Variants in MTFR1 observed in about 807,000 individuals in gnomAD.
The protein encoded by MTFR1 is chondrocyte protein with a poly-proline region.
In MTFR1, 28 loss-of-function variants were observed where a neutral mutation model predicts 38.8. The observed-to-expected ratio is 0.72, with a 90% CI of 0.53 to 0.99. The LOEUF (loss-of-function observed/expected upper bound fraction) is 0.99. Ranked by LOEUF, MTFR1 falls within the 50% of genes least tolerant of loss-of-function variation. MTFR1 has a pLI of 0.00. For synonymous variants in MTFR1, 145 were observed against 137.0 expected (o/e 1.06, Z -0.41); for missense variants, 358 against 395.5 (o/e 0.91, Z 0.81).
chr8:65,746,690 A>C (rs1477319800), intron 3 of MTFR1, among the ~76,000 whole-genome samples: 1 of 152,224 alleles, frequency 6.6e-6, no homozygotes, highest in Admixed American at 6.5e-5. Flanking sequence ...ACTAGTAGAA[A>C]TCATTAATTA....
chr8:65,649,909 G>A (rs1189717076), intron 1 of MTFR1, among the ~76,000 whole-genome samples: 1 of 151,836 alleles, frequency 6.6e-6, no homozygotes, highest in Non-Finnish European at 1.5e-5. Flanking sequence ...CGTGATCTCG[G>A]CTCACTGCCA....
At chr8:65,658,623 T>TAC (rs776185773) in intron 1 of MTFR1, among the ~76,000 whole-genome samples, 9 of 152,110 alleles carry the variant, frequency 5.9e-5, no homozygotes, top group Admixed American at 2.0e-4. Context: ...CATGCACATA[T>TAC]ACACACACAC....
intron 3 of MTFR1, among the ~76,000 whole-genome samples, chr8:65,729,421 TAGC>T (rs1004088645): frequency 5.3e-5 from 7 of 132,092 alleles, no homozygotes; most frequent in Admixed American, 1.8e-4. Context: ...ATAGTAGAAA[TAGC>T]AGAAAGAAGG....
At chr8:65,655,368 T>C (rs1291731004) in intron 1 of MTFR1, among the ~76,000 whole-genome samples, 1 of 152,190 alleles carries the variant, frequency 6.6e-6, no homozygotes, top group African/African-American at 2.4e-5. Flanking sequence ...CTAGTTTTTG[T>C]TTTTGTTGAG....
At chr8:65,694,367 G>A (rs1010036401) in intron 4 of MTFR1, among the ~76,000 whole-genome samples, 6 of 151,942 alleles carry the variant, frequency 3.9e-5, no homozygotes, top group Admixed American at 2.0e-4. Flanking sequence ...GAGCCACCAC[G>A]CCCAGCCTAT....
intron 1 of MTFR1, among the ~76,000 whole-genome samples, chr8:65,659,840 G>A (rs1239176878): frequency 6.6e-6 from 1 of 152,134 alleles, no homozygotes; most frequent in Admixed American, 6.6e-5. Context: ...AATATTTCCT[G>A]AGCTTTCTGT....
intron 3 of MTFR1, among the ~76,000 whole-genome samples, chr8:65,720,246 TAAAC>T (rs1287534265): frequency 2.0e-5 from 3 of 152,232 alleles, no homozygotes; most frequent in East Asian, 1.9e-4. Context: ...AGTAGTATCT[TAAAC>T]AAGGTCAAAA....
intron 3 of MTFR1, among the ~76,000 whole-genome samples, chr8:65,757,807 T>C (rs932312757): frequency 1.3e-5 from 2 of 152,048 alleles, no homozygotes; most frequent in African/African-American, 4.8e-5. Flanking sequence ...TTAGTAGAGA[T>C]GGGGTTTCAC....
chr8:65,718,628 G>A (rs1407667086), intron 2 of MTFR1: 3 of 152,432 alleles, frequency 2.0e-5, no homozygotes, highest in Non-Finnish European at 2.9e-5. Flanking sequence ...GGTACTCTAC[G>A]ATAAATGCTC....
chr8:65,659,242 C>G (rs1377596304), intron 1 of MTFR1, among the ~76,000 whole-genome samples: 1 of 151,670 alleles, frequency 6.6e-6, no homozygotes, highest in Non-Finnish European at 1.5e-5. Flanking sequence ...CTATTTTGAT[C>G]TTTTTTTGGT....
chr8:65,686,782 G>C (rs1262160454), intron 3 of MTFR1, among the ~76,000 whole-genome samples: 6 of 151,954 alleles, frequency 3.9e-5, no homozygotes, highest in Non-Finnish European at 8.8e-5. Context: ...AATTAGCCGG[G>C]CGTGGTGGCA....
rs1554552344 is a variant in MTFR1, at chr8:65,710,467, A to ATAT, written c.*1425_*1427dup. 6.6e-6 allele frequency: 1 copy of ATAT among 152,646 alleles called. No homozygotes were observed. The highest frequency in any genetic ancestry group is 1.5e-5 in the Non-Finnish European group (1 of 68,036). 9.5% of individuals were successfully genotyped at this position (152,646 alleles called of 1,614,324 possible). Reference sequence around the variant, plus strand: ...AAACGTATTTTGACCTAAAAGAAACATATTTTTGTATCAGTATTGAATTTT... The same window carrying ATAT: ...AAACGTATTTTGACCTAAAAGAAACATATTATTTTTGTATCAGTATTGAATTTT... On this transcript the variant is annotated 3_prime_UTR_variant, in exon 8 of 8. Coordinates refer to ENST00000262146, the MANE Select transcript of MTFR1 (RefSeq NM_014637.4).
intron 3 of MTFR1, among the ~76,000 whole-genome samples, chr8:65,721,530 A>G (rs1299899745): frequency 6.6e-6 from 1 of 152,190 alleles, no homozygotes; most frequent in Non-Finnish European, 1.5e-5. Context: ...GAGTCAGCAG[A>G]TGTCAACAAT....
At chr8:65,724,203 T>G (rs1806513454) in intron 3 of MTFR1, 1 of 1,166,444 alleles carries the variant, frequency 8.6e-7, no homozygotes, top group Non-Finnish European at 1.3e-6. Context: ...TCTTACGATG[T>G]TAAAAAAAAA....
At chr8:65,681,006 G>A (rs1204113581) in intron 2 of MTFR1, among the ~76,000 whole-genome samples, 3 of 145,872 alleles carry the variant, frequency 2.1e-5, no homozygotes, top group Non-Finnish European at 3.0e-5. Flanking sequence ...TCCGCCTCCC[G>A]GGTTCACGCC....
intron 3 of MTFR1, chr8:65,739,484 T>C (rs1193560719): frequency 6.5e-7 from 1 of 1,536,742 alleles, no homozygotes; most frequent in Non-Finnish European, 8.7e-7. Flanking sequence ...TTACTGTTAA[T>C]GGGTTAGAAT....
chr8:65,692,861 G>A (rs1158188755), intron 3 of MTFR1, among the ~76,000 whole-genome samples: 1 of 149,340 alleles, frequency 6.7e-6, no homozygotes, highest in Non-Finnish European at 1.5e-5. Flanking sequence ...AAATATTCCT[G>A]GATTTAGCTC....
chr8:65,750,237 G>A (rs1807869427), intron 3 of MTFR1, among the ~76,000 whole-genome samples: 1 of 152,130 alleles, frequency 6.6e-6, no homozygotes, highest in Non-Finnish European at 1.5e-5. Flanking sequence ...TACAATGAAT[G>A]CATTAGAGCC....
intron 1 of MTFR1, among the ~76,000 whole-genome samples, chr8:65,660,263 C>T (rs1412981480): frequency 2.1e-5 from 3 of 141,708 alleles, no homozygotes; most frequent in African/African-American, 7.9e-5. Context: ...TGTACTCCAG[C>T]CTGGGCAACA....
Sources: allele counts gnomAD v4.1 joint callset (sites outside exome capture counted in the v4.1 genomes callset), GRCh38; gene constraint gnomAD v4.1.1; transcripts MANE v1.5; gene names NCBI Gene and HGNC (gene_info 2026-07-23, HGNC 2026-07-21).